RASAL2: variants seen among roughly 807,000 people sequenced by gnomAD.
The protein encoded by RASAL2 is RAS protein activator like 2, also known as ras GTPase-activating protein nGAP.
A neutral mutation model predicts 128.9 loss-of-function variants in RASAL2; 58 were observed. That is an observed-to-expected ratio of 0.45 (90% CI 0.36 to 0.56). RASAL2 has a LOEUF of 0.56. RASAL2 is among the 20% of genes least tolerant of loss of function. RASAL2 has a pLI of 0.00. For missense variants in RASAL2, 1,360 were observed against 1,601.6 expected (o/e 0.85, Z 2.57); for synonymous variants, 561 against 580.8 (o/e 0.97, Z 0.49).
At chr1:178,335,241 A>G (rs1669531018) in intron 3 of RASAL2, among the ~76,000 whole-genome samples, 2 of 152,090 alleles carry the variant, frequency 1.3e-5, no homozygotes, top group East Asian at 1.9e-4. Context: ...ATAAAGGATA[A>G]TATTCTACAG....
At chr1:178,393,154 A>G (rs761068590) in intron 4 of RASAL2, among the ~76,000 whole-genome samples, 11 of 152,076 alleles carry the variant, frequency 7.2e-5, no homozygotes, top group African/African-American at 1.2e-4. Flanking sequence ...GTGGAAGACA[A>G]TTTTTCCACG....
chr1:178,395,051 G>GAGA (rs894373919), intron 4 of RASAL2, among the ~76,000 whole-genome samples: 9 of 152,252 alleles, frequency 5.9e-5, no homozygotes, highest in Admixed American at 1.3e-4. Flanking sequence ...GTTAAACAAA[G>GAGA]AGATAGAAAG....
At chr1:178,362,625 A>T (rs1163179836) in intron 3 of RASAL2, among the ~76,000 whole-genome samples, 1 of 151,776 alleles carries the variant, frequency 6.6e-6, no homozygotes, top group Non-Finnish European at 1.5e-5. Flanking sequence ...ATACCCTTTG[A>T]CCTAATTCTT....
intron 2 of RASAL2, among the ~76,000 whole-genome samples, chr1:178,295,627 C>G (rs139802051): frequency 6.6e-6 from 1 of 152,074 alleles, no homozygotes; most frequent in Non-Finnish European, 1.5e-5. Flanking sequence ...CAGAATCAGT[C>G]GGAGGCTTGT....
At chr1:178,108,100 A>G (rs376672246) in intron 1 of RASAL2, among the ~76,000 whole-genome samples, 9 of 152,180 alleles carry the variant, frequency 5.9e-5, no homozygotes, top group African/African-American at 2.2e-4. Context: ...CAGTTACTCC[A>G]CTTCCTTACC....
intron 8 of RASAL2, among the ~76,000 whole-genome samples, chr1:178,444,214 A>G (rs1228771444): frequency 6.6e-6 from 1 of 152,124 alleles, no homozygotes; most frequent in East Asian, 1.9e-4. Flanking sequence ...ACTTTTTTAA[A>G]TGACTTAATA....
intron 17 of RASAL2, chr1:178,470,801 A>G: frequency 1.7e-6 from 2 of 1,167,836 alleles, no homozygotes; most frequent in Non-Finnish European, 1.2e-6. Flanking sequence ...TACACATTCC[A>G]GCTCCTGCCA....
chr1:178,240,165 G>A lies in RASAL2; in HGVS notation c.203-43399G>A, dbSNP rs1664436211. 2.6e-5 allele frequency among the ~76,000 whole-genome samples: 4 copies of A among 152,118 alleles called. No homozygotes were observed. In the South Asian group the frequency reaches 8.3e-4, roughly 32 times the overall value. ...ACATATGTTGTCCACAGTGAACAAGGTCAGTTGCTAGTGGAAATTATGGAG... is the reference window on the plus strand; with the variant it reads ...ACATATGTTGTCCACAGTGAACAAGATCAGTTGCTAGTGGAAATTATGGAG... On this transcript the variant is annotated intron_variant, in intron 1 of 17. Transcript: ENST00000367649.
chr1:178,430,070 CAA>C (rs1245577311), intron 5 of RASAL2, among the ~76,000 whole-genome samples: 2 of 152,112 alleles, frequency 1.3e-5, no homozygotes, highest in African/African-American at 2.4e-5. Context: ...CTCCAGGATA[CAA>C]TCTTTGTATC....
At chr1:178,169,458 G>A (rs1487641647) in intron 1 of RASAL2, among the ~76,000 whole-genome samples, 1 of 152,060 alleles carries the variant, frequency 6.6e-6, no homozygotes, top group Non-Finnish European at 1.5e-5. Flanking sequence ...TTTAAAAGAT[G>A]TTCTTTTTAA....
intron 1 of RASAL2, among the ~76,000 whole-genome samples, chr1:178,233,481 C>T (rs1466712141): frequency 1.3e-5 from 2 of 152,122 alleles, no homozygotes; most frequent in East Asian, 1.9e-4. Flanking sequence ...GGGTGCTTAT[C>T]GGTGGCAGAG....
chr1:178,430,067 A>G (rs1675784949), intron 5 of RASAL2, among the ~76,000 whole-genome samples: 1 of 152,148 alleles, frequency 6.6e-6, no homozygotes, highest in Non-Finnish European at 1.5e-5. Flanking sequence ...CTCCTCCAGG[A>G]TACAATCTTT....
intron 2 of RASAL2, 96 bp downstream of exon 2, chr1:178,283,787 A>G: frequency 6.9e-7 from 1 of 1,452,786 alleles, no homozygotes; most frequent in Non-Finnish European, 9.5e-7. Flanking sequence ...GTTGGATTAT[A>G]AAAATAAAGG....
At chr1:178,447,673 T>TAAAAAAAAAAAAAAAAAAAAAA (rs60358768) in intron 9 of RASAL2, among the ~76,000 whole-genome samples, 1 of 56,038 alleles carries the variant, frequency 1.8e-5, no homozygotes, top group Admixed American at 2.1e-4. Flanking sequence ...CTCCTTCTCT[T>TAAAAAAAAAAAAAAAAAAAAAA]AAAAAAAAAA....
At chr1:178,319,236 T>G (rs1245254260) in intron 3 of RASAL2, among the ~76,000 whole-genome samples, 3 of 152,050 alleles carry the variant, frequency 2.0e-5, no homozygotes, top group Non-Finnish European at 4.4e-5. Context: ...ATTTTTTCCT[T>G]CATTTCAACT....
At chr1:178,330,858 A>G (rs555347470) in intron 3 of RASAL2, among the ~76,000 whole-genome samples, 64 of 152,342 alleles carry the variant, frequency 4.2e-4, no homozygotes, top group Non-Finnish European at 7.4e-4. Context: ...GCATTTAATA[A>G]CAGTGCCTCT....
rs539876275 is a variant in RASAL2 at position 178,387,305 on chromosome 1, G to A, written c.458-2795G>A. ...GATTTAATATCTTCTTTCTGGACCC[G>A]ATAATACATCATATAAGCTACATCA... On this transcript the variant is annotated intron_variant, in intron 3 of 17. Coordinates refer to ENST00000367649, the MANE Select transcript of RASAL2 (RefSeq NM_170692.4). 6.6e-5 allele frequency among the ~76,000 whole-genome samples: 10 copies of A among 152,022 alleles called. No homozygotes were observed. In the East Asian group the frequency reaches 7.7e-4, roughly 12 times the overall value.
chr1:178,268,462 A>T (rs564201219), intron 1 of RASAL2, among the ~76,000 whole-genome samples: 1 of 151,926 alleles, frequency 6.6e-6, no homozygotes, highest in Admixed American at 6.6e-5. Context: ...GCGAGCCTCC[A>T]TCTCAAAAAA....
At chr1:178,358,317 C>T (rs1162099172) in intron 3 of RASAL2, among the ~76,000 whole-genome samples, 1 of 149,174 alleles carries the variant, frequency 6.7e-6, no homozygotes, top group Non-Finnish European at 1.5e-5. Context: ...GTGGGGTTGG[C>T]CATTATATTA....
Sources: allele counts gnomAD v4.1 joint callset (sites outside exome capture counted in the v4.1 genomes callset), GRCh38; gene constraint gnomAD v4.1.1; transcripts MANE v1.5; gene names NCBI Gene and HGNC (gene_info 2026-07-23, HGNC 2026-07-21).